HOXC4: variants seen among roughly 807,000 people sequenced by gnomAD.
The protein encoded by HOXC4 is homeobox C4.
A neutral mutation model predicts 25.5 loss-of-function variants in HOXC4; 15 were observed. The observed-to-expected ratio is 0.59, with a 90% CI of 0.39 to 0.91. HOXC4 has a LOEUF of 0.91. Ranked by LOEUF, HOXC4 falls within the 40% of genes least tolerant of loss-of-function variation. The probability of loss-of-function intolerance (pLI) is 0.00; values close to 1 mark genes in which losing one functional copy is unlikely to be tolerated. For synonymous variants in HOXC4, 165 were observed against 148.0 expected (o/e 1.11, Z -0.83); for missense variants, 342 against 352.4 (o/e 0.97, Z 0.24).
At chr12:54,043,961 T>TGTGTGTGC (rs1252949850) in intron 1 of HOXC4, among the ~76,000 whole-genome samples, 1 of 123,864 alleles carries the variant, frequency 8.1e-6, no homozygotes, top group African/African-American at 3.7e-5. Context: ...TGTGTGTGTG[T>TGTGTGTGC]GTGTGTTTAG....
At chr12:54,029,600 C>A in intron 1 of HOXC4, 1 of 1,560,352 alleles carries the variant, frequency 6.4e-7, no homozygotes, top group South Asian at 1.2e-5. Flanking sequence ...GCGAAACAGT[C>A]TGCAGAGGAC....
intron 1 of HOXC4, among the ~76,000 whole-genome samples, chr12:54,027,944 A>G (rs371431449): frequency 2.4e-4 from 36 of 152,150 alleles, no homozygotes; most frequent in Middle Eastern, 3.4e-3. Context: ...TAGTTTAGTG[A>G]TGGGACTCAC....
At chr12:54,043,080 TG>T (rs1941300445) in intron 1 of HOXC4, among the ~76,000 whole-genome samples, 1 of 152,142 alleles carries the variant, frequency 6.6e-6, no homozygotes, top group Admixed American at 6.5e-5. Context: ...ATGTGGGACT[TG>T]GGAAAATTGG....
Position 54,035,254 on chromosome 12 carries a change from A to T in HOXC4, c.-124+17840A>T, listed in dbSNP as rs185833901. ...TTGCTGTCCCATAGTCCCTGCCACG[A>T]ATTTCTGTGCCCTCCTGACCCATTG... is the stretch of plus-strand genomic sequence containing the variant. On this transcript the variant is annotated intron_variant, in intron 1 of 3. Coordinates refer to the HOXC4 transcript ENST00000303406. 6 of 152,890 alleles carry T rather than the reference A, an allele frequency of 3.9e-5. No individual in the cohort carries two copies. In the East Asian group the frequency reaches 9.6e-4, roughly 25 times the overall value. 9.5% of individuals were successfully genotyped at this position (152,890 alleles called of 1,614,324 possible).
At chr12:54,038,671 C>A (rs1239326960) in intron 1 of HOXC4, among the ~76,000 whole-genome samples, 1 of 152,188 alleles carries the variant, frequency 6.6e-6, no homozygotes, top group African/African-American at 2.4e-5. Context: ...TGGTTTCATG[C>A]TTCCTCCTCT....
chr12:54,034,567 C>G lies in HOXC4; in HGVS notation c.-124+17153C>G, dbSNP rs1941130363. 20 of 1,282,004 alleles carry G rather than the reference C, an allele frequency of 1.6e-5. No homozygotes were observed. The East Asian group carries it at 4.3e-4, about 28-fold the overall frequency. The allele number at this position is 1,282,004 out of a possible 1,614,324, so 79.4% of individuals were successfully genotyped here. A position where few individuals can be genotyped will look rare whatever the true frequency, so the allele number is the denominator to read the frequency against. On this transcript the variant is annotated intron_variant, in intron 1 of 3. Transcript: ENST00000303406. ...TGCGCCTTTCCTTTTCGCCTTTCCT[C>G]TCTATATTTCGGGTCGGGGGCAGGT...
At chr12:54,054,384 C>A (rs781724989) in intron 1 of HOXC4, 23 bp downstream of exon 1, 6 of 1,061,530 alleles carry the variant, frequency 5.7e-6, no homozygotes, top group South Asian at 1.6e-5. Flanking sequence ...GCTTTTTGCT[C>A]CCCCCCTCCC....
intron 1 of HOXC4, 106 bp downstream of exon 1, chr12:54,054,467 T>G: frequency 6.7e-6 from 4 of 599,432 alleles, no homozygotes; most frequent in Non-Finnish European, 8.2e-6. Context: ...TCCTTCCCCC[T>G]CTCTCTCCAG....
At chr12:54,037,175 A>G (rs1399882843) in intron 1 of HOXC4, among the ~76,000 whole-genome samples, 1 of 152,200 alleles carries the variant, frequency 6.6e-6, no homozygotes, top group Non-Finnish European at 1.5e-5. Context: ...AGCGGCGGCA[A>G]CCAAGCCAGA....
intron 1 of HOXC4, chr12:54,020,420 G>GCCCTGC (rs1940383112): frequency 6.6e-6 from 1 of 152,208 alleles, no homozygotes; most frequent in African/African-American, 2.4e-5. Context: ...GAATTGGGCA[G>GCCCTGC]AGCAAACCCT....
At chr12:54,033,061 A>G in intron 1 of HOXC4, 1 of 1,396,138 alleles carries the variant, frequency 7.2e-7, no homozygotes, top group South Asian at 1.3e-5. Context: ...CCTCAACTTC[A>G]AAGAGTCACA....
Position 54,046,625 on chromosome 12 carries a change from C to A in HOXC4, c.-123-6535C>A, listed in dbSNP as rs189980222. 2.6e-5 allele frequency among the ~76,000 whole-genome samples: 4 copies of A among 152,192 alleles called. No individual in the cohort carries two copies. In the East Asian group the frequency reaches 7.7e-4, roughly 29 times the overall value. On this transcript the variant is annotated intron_variant, in intron 1 of 3. Transcript: ENST00000303406. Reference sequence around the variant, plus strand: ...AATGAACACAACGTGGTAGAATAAGCAGAGCAATGTTTATTTGTTGTAAAT... The same window carrying A: ...AATGAACACAACGTGGTAGAATAAGAAGAGCAATGTTTATTTGTTGTAAAT...
In HOXC4 at chr12:54,055,083, G is replaced by A. The variant is rs1192043815; in HGVS notation, c.673G>A (p.Ala225Thr). 6.2e-7 allele frequency: 1 copy of A among 1,613,464 alleles called. No homozygotes were observed. Among genetic ancestry groups the A allele is most frequent in the Non-Finnish European group, 8.5e-7 (1 of 1,179,840 alleles). Reference sequence around the variant, plus strand: ...ACTCCCCAACACCAAAGTCAGGTCAGCACCCCCGGCCGGCGCTGCGCCCAG... The same window carrying A: ...ACTCCCCAACACCAAAGTCAGGTCAACACCCCCGGCCGGCGCTGCGCCCAG... ...HRLPNTKVRS[A>T]PPAGAAPSTL... The change falls in exon 2 of 2, where the codon GCA becomes ACA. Residue 225 changes from alanine (A) to threonine (T), a missense_variant. Transcript: ENST00000430889.
intron 1 of HOXC4, chr12:54,022,706 T>G (rs1020517888): frequency 2.0e-5 from 3 of 151,894 alleles, no homozygotes; most frequent in Non-Finnish European, 2.9e-5. Flanking sequence ...GGAAAAAACA[T>G]GAAAGGAGGG....
chr12:54,041,961 C>A (rs924278040), intron 1 of HOXC4, among the ~76,000 whole-genome samples: 1 of 148,878 alleles, frequency 6.7e-6, no homozygotes, highest in Admixed American at 6.7e-5. Flanking sequence ...CCGCGCCCAG[C>A]CTTTTCTTTT....
intron 1 of HOXC4, chr12:54,033,174 G>A (rs750491544): frequency 2.5e-6 from 4 of 1,614,152 alleles, no homozygotes; most frequent in South Asian, 1.1e-5. Context: ...CAATATCCCT[G>A]CCTATAACAT....
chr12:54,047,804 CCCTGAAG>C (rs1185945928), intron 1 of HOXC4: 1 of 152,330 alleles, frequency 6.6e-6, no homozygotes, highest in Non-Finnish European at 1.5e-5. Context: ...CCAGGCCAGA[CCCTGAAG>C]CCTCCGATGG....
At chr12:54,020,794 G>C (rs148405951) in intron 1 of HOXC4, 2 of 152,322 alleles carry the variant, frequency 1.3e-5, no homozygotes, top group Admixed American at 6.5e-5. Context: ...GCGGGTTCCA[G>C]TAACCAATGG....
At chr12:54,040,425 A>G (rs936183581) in intron 1 of HOXC4, among the ~76,000 whole-genome samples, 4 of 151,962 alleles carry the variant, frequency 2.6e-5, no homozygotes, top group African/African-American at 7.3e-5. Context: ...GGTTTATCCT[A>G]TCTCAGATTT....
Sources: allele counts gnomAD v4.1 joint callset (sites outside exome capture counted in the v4.1 genomes callset), GRCh38; gene constraint gnomAD v4.1.1; transcripts MANE v1.5; gene names NCBI Gene and HGNC (gene_info 2026-07-23, HGNC 2026-07-21).